RFTN1: variants seen among roughly 807,000 people sequenced by gnomAD.
RFTN1 encodes raftlin.
RFTN1 carries 26 observed loss-of-function variants against 46.5 expected under a neutral mutation model. The observed-to-expected ratio is 0.56, with a 90% confidence interval of 0.41 to 0.78. The LOEUF is 0.78. Ranked by LOEUF, RFTN1 falls within the 30% of genes least tolerant of loss-of-function variation. The pLI is 0.00. For missense variants in RFTN1, 693 were observed against 718.7 expected, an observed-to-expected ratio of 0.96 and a Z score of 0.41; for synonymous variants, 261 against 284.2, an observed-to-expected ratio of 0.92 and a Z score of 0.82.
At chr3:16,439,971 T>C (rs1308760446) in intron 2 of RFTN1, among the ~76,000 whole-genome samples, 1 of 152,168 alleles carries the variant, frequency 6.6e-6, no homozygotes, top group Non-Finnish European at 1.5e-5. Flanking sequence ...TACTTTGGCT[T>C]CCTGGCCTTT....
chr3:16,421,175 T>A lies in RFTN1; in HGVS notation c.333-11692A>T, dbSNP rs560117172. On this transcript the variant is annotated intron_variant, in intron 3 of 9. Coordinates refer to ENST00000334133, the MANE Select transcript of RFTN1 (RefSeq NM_015150.2). This position sits in a 1 kb window ranked among gnomAD's most constrained non-coding sequence, Gnocchi z 4.6. ...TGATGAAATAAGCAATATTTTATAA[T>A]GATGATCACAGTAAGTTCACACTAT... Among the ~76,000 whole-genome samples, 4 of 152,326 alleles carry A rather than the reference T, an allele frequency of 2.6e-5. No homozygotes were observed. The South Asian group carries it at 8.3e-4, about 32-fold the overall frequency.
chr3:16,417,800 C>G (rs769805812), intron 3 of RFTN1, among the ~76,000 whole-genome samples: 6 of 152,104 alleles, frequency 3.9e-5, no homozygotes, highest in South Asian at 2.1e-4. Flanking sequence ...CTTTGGCCTT[C>G]CAGCTCAAGC....
In RFTN1 at chr3:16,378,055, A is replaced by C. The variant is rs371060460; in HGVS notation, c.489T>G (p.Pro163=). The C allele has an allele frequency of 6.2e-6, 10 of 1,614,084 alleles. No individual in the cohort carries two copies. In the South Asian group the frequency reaches 7.7e-5, roughly 12 times the overall value. Residue 163 remains proline (P), a synonymous_variant, in exon 5 of 10, where the codon CCT becomes CCG. Coordinates refer to ENST00000334133, the MANE Select transcript of RFTN1 (RefSeq NM_015150.2). ...SQGLKFVGVI[P]QYHSSVNSAG... ...CCGAGTTCACAGAGGAATGGTACTG[A>C]GGTATAACACCAACGAATTTCAGGC...
chr3:16,379,424 A>G (rs1173797789), intron 4 of RFTN1, among the ~76,000 whole-genome samples: 1 of 152,276 alleles, frequency 6.6e-6, no homozygotes, highest in African/African-American at 2.4e-5. Flanking sequence ...GGCATTTTAC[A>G]TAAATTAAAA....
intron 2 of RFTN1, among the ~76,000 whole-genome samples, chr3:16,434,389 CAA>C (rs770025623): frequency 2.0e-5 from 2 of 100,780 alleles, no homozygotes; most frequent in African/African-American, 6.3e-5. Flanking sequence ...AACAAACAAA[CAA>C]ACAAAAACAA....
chr3:16,405,622 A>T (rs1444084413), intron 4 of RFTN1, among the ~76,000 whole-genome samples: 1 of 152,110 alleles, frequency 6.6e-6, no homozygotes, highest in East Asian at 1.9e-4. Context: ...TACTTTTCCT[A>T]ATTGTGAGAA....
rs1217315188 is a variant in RFTN1, at chr3:16,506,192, T to C, written c.-9+7250A>G. 6.6e-6 allele frequency among the ~76,000 whole-genome samples: 1 copy of C among 151,850 alleles called. No individual in the cohort carries two copies. The highest frequency in any genetic ancestry group is 2.4e-5 in the African/African-American group (1 of 41,344). ...AGAAGGTGACGTTTAAGCAAAATCA[T>C]GAGGAAGGCCACAGAGCGAGCCATG... On this transcript the variant is annotated intron_variant, in intron 1 of 9. Transcript: ENST00000334133. This position sits in a 1 kb window ranked among gnomAD's most constrained non-coding sequence, Gnocchi z 4.8.
rs1351401069 is a variant in RFTN1, at chr3:16,335,686, A to C, written c.1147-8810T>G. ...CTAATGGATGCTGGGCTTCATACCTAGGTGATAGCCTGATCTGAGCAGCAA... is the reference window on the plus strand; with the variant it reads ...CTAATGGATGCTGGGCTTCATACCTCGGTGATAGCCTGATCTGAGCAGCAA... On this transcript the variant is annotated intron_variant, in intron 7 of 9. Coordinates refer to ENST00000334133, the MANE Select transcript of RFTN1 (RefSeq NM_015150.2). The surrounding 1 kb of genome is among the most constrained non-coding windows in gnomAD (Gnocchi z 4.7). 4.0e-5 allele frequency among the ~76,000 whole-genome samples: 6 copies of C among 151,760 alleles called. No homozygotes were observed. The highest frequency in any genetic ancestry group is 3.9e-4 in the Admixed American group (6 of 15,244).
In RFTN1 at chr3:16,407,153, A is replaced by C. The variant is rs1349575413; in HGVS notation, c.441+2222T>G. ...GCCATGCAATAACCTAATTTGGTTAAGACAAAGTCACCAACTCATATCAAC... is the reference window on the plus strand; with the variant it reads ...GCCATGCAATAACCTAATTTGGTTACGACAAAGTCACCAACTCATATCAAC... On this transcript the variant is annotated intron_variant, in intron 4 of 9. Transcript: ENST00000334133. The surrounding 1 kb of genome is among the most constrained non-coding windows in gnomAD (Gnocchi z 4.0). Among the ~76,000 whole-genome samples the C allele has an allele frequency of 6.6e-6, 1 of 152,190 alleles. No individual in the cohort carries two copies.
chr3:16,328,985 T>TC (rs2070014742), intron 7 of RFTN1, among the ~76,000 whole-genome samples: 1 of 152,214 alleles, frequency 6.6e-6, no homozygotes, highest in Admixed American at 6.5e-5. Context: ...AAGGTTTGAA[T>TC]GTATCCCCCA....
rs1339092215 is a variant in RFTN1, at chr3:16,404,156, T to TAATATATAATATAC, written c.441+5218_441+5219insGTATATTATATATT. On this transcript the variant is annotated intron_variant, in intron 4 of 9. Coordinates refer to ENST00000334133, the MANE Select transcript of RFTN1 (RefSeq NM_015150.2). ...TAATATATAATATACATTTTATATATATTATATATAATATACATTTTATAT... is the reference window on the plus strand; with the variant it reads ...TAATATATAATATACATTTTATATATAATATATAATATACATTATATATAATATACATTTTATAT... Among the ~76,000 whole-genome samples, 4 of 48,210 alleles carry TAATATATAATATAC rather than the reference T, an allele frequency of 8.3e-5. 1 individual carries two copies. Among genetic ancestry groups the TAATATATAATATAC allele is most frequent in the Non-Finnish European group, 1.3e-4 (4 of 30,074 alleles). The allele number at this position is 48,210 out of a possible 152,430, so 31.6% of individuals were successfully genotyped here.
chr3:16,377,239 T>C (rs962557477), intron 5 of RFTN1, among the ~76,000 whole-genome samples: 3 of 152,108 alleles, frequency 2.0e-5, no homozygotes, highest in Middle Eastern at 3.2e-3. Context: ...TAAGTCCACC[T>C]GGGTTCATAT....
intron 2 of RFTN1, among the ~76,000 whole-genome samples, chr3:16,437,661 A>G (rs1027474172): frequency 6.6e-6 from 1 of 152,080 alleles, no homozygotes; most frequent in African/African-American, 2.4e-5. Flanking sequence ...CTAAATAAAT[A>G]AATAAATAAA....
intron 4 of RFTN1, among the ~76,000 whole-genome samples, chr3:16,391,796 CCA>C (rs1283233964): frequency 1.3e-5 from 2 of 148,900 alleles, no homozygotes; most frequent in Admixed American, 1.4e-4. Context: ...GCTGGATTGA[CCA>C]TAGACTCACA....
At chr3:16,390,966 A>AC (rs1327883192) in intron 4 of RFTN1, among the ~76,000 whole-genome samples, 1 of 152,082 alleles carries the variant, frequency 6.6e-6, no homozygotes, top group Non-Finnish European at 1.5e-5. Flanking sequence ...TACTCCCTGT[A>AC]CCCCCCATGA....
In RFTN1 at chr3:16,460,735, C is replaced by A. The variant is rs1481520946; in HGVS notation, c.146-26698G>T. Among the ~76,000 whole-genome samples, 1 of 152,104 alleles carries A rather than the reference C, an allele frequency of 6.6e-6. No individual in the cohort carries two copies. The highest frequency in any genetic ancestry group is 2.4e-5 in the African/African-American group (1 of 41,410). On this transcript the variant is annotated intron_variant, in intron 2 of 9. Coordinates refer to ENST00000334133, the MANE Select transcript of RFTN1 (RefSeq NM_015150.2). The surrounding 1 kb of genome is among the most constrained non-coding windows in gnomAD (Gnocchi z 4.8). ...CGTCACTTGAGCCTCATTTTCCATG[C>A]CAAAATTCAGGATTTAAGGTCTAAA... is the stretch of plus-strand genomic sequence containing the variant.
rs1226197249 is a variant in RFTN1, at chr3:16,454,850, T to C, written c.146-20813A>G. The C allele has an allele frequency of 4.6e-6, 4 of 876,400 alleles. No homozygotes were observed. The South Asian group carries it at 1.6e-4, about 34-fold the overall frequency. 54.3% of individuals were successfully genotyped at this position (876,400 alleles called of 1,614,324 possible). On this transcript the variant is annotated intron_variant, in intron 2 of 9. Coordinates refer to ENST00000334133, the MANE Select transcript of RFTN1 (RefSeq NM_015150.2). ...TTGTTCATTTTCTTCTCCTCACAAC[T>C]AGCTTTTTGCCTAGTCCATAACTAG...
chr3:16,431,689 C>A (rs2125490492), intron 3 of RFTN1, among the ~76,000 whole-genome samples: 1 of 152,242 alleles, frequency 6.6e-6, no homozygotes, highest in East Asian at 1.9e-4. Flanking sequence ...CCAGTGGATG[C>A]CTTATAGAAT....
At chr3:16,363,334 G>T (rs781774524) in intron 6 of RFTN1, among the ~76,000 whole-genome samples, 1 of 152,196 alleles carries the variant, frequency 6.6e-6, no homozygotes, top group Non-Finnish European at 1.5e-5. Flanking sequence ...ACTGCCCTCC[G>T]TCTATGGAAA....
Sources: allele counts gnomAD v4.1 joint callset (sites outside exome capture counted in the v4.1 genomes callset), GRCh38; gene constraint gnomAD v4.1.1; non-coding constraint Gnocchi (gnomAD v3.1); transcripts MANE v1.5; gene names NCBI Gene and HGNC (gene_info 2026-07-23, HGNC 2026-07-21).